Variants in DAB1 observed in about 807,000 individuals in gnomAD.
DAB1 encodes the protein disabled homolog 1.
Under a neutral mutation model 64.6 loss-of-function variants are expected in DAB1, and 15 were observed. That is an observed-to-expected ratio of 0.23 (90% CI 0.16 to 0.36). The LOEUF (loss-of-function observed/expected upper bound fraction) is 0.36. Among genes scored for constraint, DAB1 ranks in the 10% least tolerant of loss-of-function variants. The pLI is 1.00. For missense variants in DAB1, 596 were observed against 706.7 expected (o/e 0.84, Z 1.78); for synonymous variants, 235 against 251.9 (o/e 0.93, Z 0.64).
At chr1:58,506,713 G>A (rs1645995681) in intron 2 of DAB1, among the ~76,000 whole-genome samples, 1 of 152,014 alleles carries the variant, frequency 6.6e-6, no homozygotes, top group Non-Finnish European at 1.5e-5. Flanking sequence ...TTATTAAACT[G>A]TATTAAAGAA....
intron 3 of DAB1, among the ~76,000 whole-genome samples, chr1:58,438,763 A>G (rs1296450931): frequency 2.0e-5 from 3 of 152,218 alleles, no homozygotes; most frequent in Non-Finnish European, 2.9e-5. Flanking sequence ...TGTTAGTTCT[A>G]CACCAGAGCT....
intron 1 of DAB1, among the ~76,000 whole-genome samples, chr1:57,398,911 G>A (rs1683025377): frequency 7.0e-6 from 1 of 142,848 alleles, no homozygotes; most frequent in Non-Finnish European, 1.6e-5. Context: ...CTGACTTGAA[G>A]GCTGGCTTAG....
At chr1:57,991,886 C>T (rs528033441) in intron 5 of DAB1, among the ~76,000 whole-genome samples, 1 of 135,014 alleles carries the variant, frequency 7.4e-6, no homozygotes, top group South Asian at 2.5e-4. Flanking sequence ...GGCCAGAGAA[C>T]GCTCTCTAGA....
chr1:57,938,826 G>A (rs1293248499), intron 5 of DAB1, among the ~76,000 whole-genome samples: 1 of 151,916 alleles, frequency 6.6e-6, no homozygotes, highest in Non-Finnish European at 1.5e-5. Flanking sequence ...CTTGCCTTTA[G>A]TAACTAAAGG....
intron 2 of DAB1, among the ~76,000 whole-genome samples, chr1:57,268,999 T>C (rs1382826652): frequency 1.3e-5 from 2 of 152,016 alleles, no homozygotes; most frequent in African/African-American, 4.8e-5. Flanking sequence ...GCCAGGGAGA[T>C]GGGGCCACTG....
chr1:58,123,181 C>A (rs1323892814), intron 5 of DAB1, among the ~76,000 whole-genome samples: 1 of 152,134 alleles, frequency 6.6e-6, no homozygotes, highest in African/African-American at 2.4e-5. Flanking sequence ...AGCATTTAGG[C>A]CCATGGGGAG....
intron 4 of DAB1, among the ~76,000 whole-genome samples, chr1:58,252,459 A>G (rs1250485740): frequency 6.6e-6 from 1 of 152,260 alleles, no homozygotes; most frequent in Non-Finnish European, 1.5e-5. Flanking sequence ...ATATAAAAAT[A>G]GAAAGGAAAA....
intron 4 of DAB1, chr1:58,228,883 G>A (rs531263507): frequency 7.1e-6 from 4 of 560,266 alleles, no homozygotes; most frequent in Admixed American, 2.1e-5. Context: ...CAGAGCATCC[G>A]CAGGCAACCT....
intron 3 of DAB1, among the ~76,000 whole-genome samples, chr1:58,455,634 T>A (rs1645186450): frequency 6.6e-6 from 1 of 152,276 alleles, no homozygotes. Flanking sequence ...AAAGAATGAA[T>A]GTTATTCTAT....
chr1:57,630,705 G>C (rs1282737809), intron 7 of DAB1, among the ~76,000 whole-genome samples: 1 of 152,104 alleles, frequency 6.6e-6, no homozygotes, highest in Non-Finnish European at 1.5e-5. Context: ...GAGGAAGGAG[G>C]GGTGATGACC....
chr1:57,948,257 T>A (rs1390939541), intron 5 of DAB1, among the ~76,000 whole-genome samples: 1 of 152,196 alleles, frequency 6.6e-6, no homozygotes, highest in Non-Finnish European at 1.5e-5. Context: ...ACCAATGCAA[T>A]AAAAGGCCCA....
chr1:57,948,717 G>A (rs11207134), intron 5 of DAB1, among the ~76,000 whole-genome samples: 56,809 of 152,086 alleles, frequency 0.37, 11,446 homozygotes, highest in Admixed American at 0.47. Context: ...ACTGGGGAAG[G>A]ATATGTTCTC....
intron 3 of DAB1, among the ~76,000 whole-genome samples, chr1:58,451,920 C>T (rs1388866894): frequency 1.4e-5 from 2 of 137,988 alleles, no homozygotes; most frequent in Non-Finnish European, 3.1e-5. Context: ...TTTTTCTTTC[C>T]TTTTTTTTTT....
intron 6 of DAB1, among the ~76,000 whole-genome samples, chr1:57,747,326 T>C (rs1231644454): frequency 6.6e-6 from 1 of 152,182 alleles, no homozygotes; most frequent in East Asian, 1.9e-4. Flanking sequence ...CCCTTATCCA[T>C]AACTTTCTTG....
At chr1:58,434,357 A>G (rs940534012) in intron 3 of DAB1, among the ~76,000 whole-genome samples, 5 of 152,062 alleles carry the variant, frequency 3.3e-5, no homozygotes, top group African/African-American at 7.3e-5. Flanking sequence ...CTCTGGATAT[A>G]AACAGTAGAG....
chr1:58,166,134 G>C (rs1170206399), intron 4 of DAB1, among the ~76,000 whole-genome samples: 1 of 152,178 alleles, frequency 6.6e-6, no homozygotes, highest in African/African-American at 2.4e-5. Flanking sequence ...CATCAAGCTA[G>C]ATATGATTTT....
chr1:57,042,380 T>A (rs1004213771), intron 9 of DAB1, among the ~76,000 whole-genome samples: 2 of 152,238 alleles, frequency 1.3e-5, no homozygotes, highest in Non-Finnish European at 2.9e-5. Flanking sequence ...CTCTGTCTGA[T>A]CATGATTTCT....
chr1:58,300,610 AAGAGAGAGAGAG>A (rs770388855), intron 4 of DAB1, among the ~76,000 whole-genome samples: 36 of 47,042 alleles, frequency 7.7e-4, no homozygotes, highest in East Asian at 2.6e-3. Flanking sequence ...GAAAGAAAGA[AAGAGAGAGAGAG>A]AGAGAGAGAG....
intron 7 of DAB1, among the ~76,000 whole-genome samples, chr1:57,546,002 C>T (rs990573942): frequency 4.0e-5 from 6 of 151,866 alleles, no homozygotes; most frequent in African/African-American, 1.5e-4. Flanking sequence ...AGATGTGTTT[C>T]CAGGAGTGCT....
Sources: gnomAD v4.1 joint callset for allele counts (sites outside exome capture counted in the v4.1 genomes callset) on GRCh38, gnomAD v4.1.1 for gene constraint, MANE v1.5 for transcripts, NCBI Gene and HGNC (gene_info 2026-07-23, HGNC 2026-07-21) for gene names.